The following CALN1 variants were observed in gnomAD, a reference collection of about 807,000 sequenced individuals.
CALN1 encodes calcium-binding protein 8.
A neutral mutation model predicts 30.6 loss-of-function variants in CALN1; 17 were observed. That is an observed-to-expected ratio of 0.56 (90% confidence interval 0.38 to 0.83). CALN1 has a LOEUF of 0.83. CALN1 is among the 40% of genes least tolerant of loss of function. The probability of loss-of-function intolerance (pLI) is 0.00; values close to 1 mark genes in which losing one functional copy is unlikely to be tolerated. For synonymous variants in CALN1, 156 were observed against 131.4 expected (o/e 1.19, Z -1.28); for missense variants, 291 against 354.9 (o/e 0.82, Z 1.45).
chr7:72,304,495 T>G (rs1348176825), intron 2 of CALN1, among the ~76,000 whole-genome samples: 2 of 152,134 alleles, frequency 1.3e-5, no homozygotes, highest in African/African-American at 4.8e-5. Flanking sequence ...TTAAAATGAA[T>G]TTTAAAAAAA....
At chr7:72,439,263 C>T (rs1320957450) in intron 1 of CALN1, among the ~76,000 whole-genome samples, 1 of 152,166 alleles carries the variant, frequency 6.6e-6, no homozygotes, top group African/African-American at 2.4e-5. Context: ...AACCCCTGAG[C>T]TCATGCAATC....
At chr7:72,163,442 G>C (rs1788287067) in intron 3 of CALN1, among the ~76,000 whole-genome samples, 1 of 138,682 alleles carries the variant, frequency 7.2e-6, no homozygotes, top group East Asian at 2.0e-4. Flanking sequence ...GGAAAACACA[G>C]TCAATAGAAA....
intron 4 of CALN1, among the ~76,000 whole-genome samples, chr7:72,041,276 C>T (rs114668484): frequency 0.016 from 2,380 of 152,086 alleles, 51 homozygotes; most frequent in African/African-American, 0.055. Flanking sequence ...CCACAGAGGG[C>T]CAAGTAGGAT....
chr7:71,802,623 T>C (rs1245364991), intron 6 of CALN1, among the ~76,000 whole-genome samples: 2 of 151,940 alleles, frequency 1.3e-5, no homozygotes, highest in Admixed American at 6.6e-5. Flanking sequence ...CCACCATGCC[T>C]GGCTAATTAA....
chr7:72,399,190 T>C (rs905758025), intron 2 of CALN1, among the ~76,000 whole-genome samples: 19 of 150,662 alleles, frequency 1.3e-4, no homozygotes, highest in African/African-American at 4.4e-4. Context: ...GGGAGGACAA[T>C]GGGCTGCAAG....
In CALN1 at chr7:72,203,984, T is replaced by A. The variant is rs1791637555; in HGVS notation, c.244+74702A>T. 3.2e-5 allele frequency among the ~76,000 whole-genome samples: 2 copies of A among 61,580 alleles called. 1 individual carries two copies. The highest frequency in any genetic ancestry group is 3.6e-4 in the Admixed American group (2 of 5,514). 40.4% of individuals were successfully genotyped at this position (61,580 alleles called of 152,430 possible). On this transcript the variant is annotated intron_variant, in intron 3 of 6. Coordinates refer to ENST00000395275, the MANE Select transcript of CALN1 (RefSeq NM_031468.4). The stretch of plus-strand genomic sequence containing the variant: ...TTCATATAAGAGGCCTCTCTCTTTT[T>A]TTTTTTTTTTTTTTTTTTTTTTTTT...
At chr7:72,484,878 CT>C in the CALN1 span, among the ~76,000 whole-genome samples, 7 of 152,104 alleles carry the variant, frequency 4.6e-5, no homozygotes, top group African/African-American at 1.7e-4. Flanking sequence ...CGTTTTGCAA[CT>C]GTTTTTTATT....
intron 3 of CALN1, among the ~76,000 whole-genome samples, chr7:72,220,107 T>C (rs1416741322): frequency 6.6e-6 from 1 of 151,784 alleles, no homozygotes; most frequent in Admixed American, 6.6e-5. Context: ...TTGTTACATA[T>C]GTATACATGT....
intron 3 of CALN1, among the ~76,000 whole-genome samples, chr7:72,166,922 T>A (rs1178296371): frequency 6.6e-6 from 1 of 152,030 alleles, no homozygotes; most frequent in Non-Finnish European, 1.5e-5. Flanking sequence ...GGCATGCACC[T>A]ATAGTCTCAG....
At chr7:72,181,096 A>ACG (rs1789756355) in intron 3 of CALN1, among the ~76,000 whole-genome samples, 1 of 74,618 alleles carries the variant, frequency 1.3e-5, no homozygotes, top group Admixed American at 1.4e-4. Flanking sequence ...AAACTGCATA[A>ACG]CCCCCCCCCC....
intron 3 of CALN1, among the ~76,000 whole-genome samples, chr7:72,157,315 C>A (rs1056173800): frequency 2.0e-5 from 3 of 152,090 alleles, no homozygotes; most frequent in Non-Finnish European, 2.9e-5. Flanking sequence ...TAGACAAGTA[C>A]CTTAAAATAC....
At chr7:72,077,602 T>C (rs1272160070) in intron 4 of CALN1, among the ~76,000 whole-genome samples, 1 of 152,170 alleles carries the variant, frequency 6.6e-6, no homozygotes, top group Non-Finnish European at 1.5e-5. Context: ...TCTCTTCCTT[T>C]TCCCAACCCC....
At chr7:72,411,498 ATTTT>A (rs1248592459) in intron 1 of CALN1, among the ~76,000 whole-genome samples, 1 of 151,834 alleles carries the variant, frequency 6.6e-6, no homozygotes, top group African/African-American at 2.4e-5. Flanking sequence ...AACTCAATTT[ATTTT>A]TGTCTTTAAA....
In CALN1 at chr7:72,102,352, G is replaced by A. The variant is rs903085652; in HGVS notation, c.388+3799C>T. Among the ~76,000 whole-genome samples, 5 of 152,266 alleles carry A rather than the reference G, an allele frequency of 3.3e-5. No individual in the cohort carries two copies. In the East Asian group the frequency reaches 5.8e-4, roughly 18 times the overall value. On this transcript the variant is annotated intron_variant, in intron 4 of 6. Transcript: ENST00000395275. ...CCCAGCTACTCAGGAGGCTGAGGCA[G>A]GAGAATAGCTTCAATCTGGGAGATG...
At chr7:71,799,621 A>G (rs994978447) in intron 6 of CALN1, among the ~76,000 whole-genome samples, 18 of 151,948 alleles carry the variant, frequency 1.2e-4, no homozygotes, top group African/African-American at 3.4e-4. Context: ...GCCCGCCACC[A>G]TACCCAGCTA....
intron 5 of CALN1, among the ~76,000 whole-genome samples, chr7:71,939,703 G>A (rs1273168538): frequency 6.6e-6 from 1 of 152,174 alleles, no homozygotes; most frequent in Non-Finnish European, 1.5e-5. Context: ...GTGGAGCTGG[G>A]ATTGGGATTC....
At position 71,847,805 on chromosome 7, in the gene CALN1, AAGAAGGAGAAGG is replaced by A. The variant is rs759149826; in HGVS notation, c.502-37325_502-37314del. ...AAGAAGAAGAAGAAGAAAAGAAGAA[AAGAAGGAGAAGG>A]AGAAGGAGAAGGAGAAGGAGAAGGA... On this transcript the variant is annotated intron_variant, in intron 5 of 6. Transcript: ENST00000395275. 4.4e-3 allele frequency among the ~76,000 whole-genome samples: 543 copies of A among 124,540 alleles called. 6 individuals are homozygous for A. Among genetic ancestry groups the A allele is most frequent in the South Asian group, 0.029 (92 of 3,188 alleles). 81.7% of individuals were successfully genotyped at this position (124,540 alleles called of 152,430 possible). A position where few individuals can be genotyped will look rare whatever the true frequency, so the allele number is the denominator to read the frequency against.
chr7:72,197,390 C>T (rs1265236000), intron 3 of CALN1, among the ~76,000 whole-genome samples: 6 of 151,822 alleles, frequency 4.0e-5, no homozygotes, highest in East Asian at 2.0e-4. Flanking sequence ...TTAGTAGAGA[C>T]GGGGTTTTGC....
intron 5 of CALN1, among the ~76,000 whole-genome samples, chr7:71,875,901 C>A (rs1792215874): frequency 1.3e-5 from 2 of 152,138 alleles, no homozygotes; most frequent in Admixed American, 6.6e-5. Flanking sequence ...GTAGTGCTCA[C>A]AGACCATGGT....
Sources: gnomAD v4.1 joint callset for allele counts (sites outside exome capture counted in the v4.1 genomes callset) on GRCh38, gnomAD v4.1.1 for gene constraint, MANE v1.5 for transcripts, NCBI Gene and HGNC (gene_info 2026-07-23, HGNC 2026-07-21) for gene names.